ERC1: variants seen among roughly 807,000 people sequenced by gnomAD.
ERC1 encodes the protein ELKS/RAB6-interacting/CAST family member 1, also known as RAB6 interacting protein 2.
ERC1 carries 56 observed loss-of-function variants against 132.0 expected under a neutral mutation model. The observed-to-expected ratio is 0.42, with a 90% confidence interval of 0.34 to 0.53. ERC1 has a LOEUF of 0.53. ERC1 is among the 20% of genes least tolerant of loss of function. The pLI, the probability that ERC1 is intolerant of heterozygous loss-of-function variation, is 0.03. For missense variants in ERC1, 1,202 were observed against 1,349.9 expected (o/e 0.89, Z 1.72); for synonymous variants, 478 against 476.1 (o/e 1.00, Z -0.05).
intron 11 of ERC1, among the ~76,000 whole-genome samples, chr12:1,187,488 A>G (rs1955232176): frequency 6.6e-6 from 1 of 151,556 alleles, no homozygotes; most frequent in Non-Finnish European, 1.5e-5. Context: ...GCAGGTCTTG[A>G]ACTCCTGGGC....
chr12:1,392,854 G>T (rs1169259442), intron 16 of ERC1, among the ~76,000 whole-genome samples: 1 of 152,058 alleles, frequency 6.6e-6, no homozygotes, highest in Non-Finnish European at 1.5e-5. Context: ...ATTTAGCTCA[G>T]TTGTACAAAA....
intron 8 of ERC1, among the ~76,000 whole-genome samples, chr12:1,149,801 A>G (rs924310370): frequency 2.0e-5 from 3 of 152,212 alleles, no homozygotes; most frequent in African/African-American, 7.2e-5. Flanking sequence ...ATGGAGATAA[A>G]GTGTATTACT....
intron 18 of ERC1, among the ~76,000 whole-genome samples, chr12:1,470,120 TAAAA>T (rs113732773): frequency 1.4e-5 from 2 of 138,596 alleles, no homozygotes. Flanking sequence ...AGATTTATAC[TAAAA>T]AAAAAAAAAA....
chr12:1,440,349 C>A (rs573328291), intron 17 of ERC1, among the ~76,000 whole-genome samples: 5 of 149,270 alleles, frequency 3.3e-5, no homozygotes, highest in Admixed American at 1.3e-4. Context: ...GGACTACAGA[C>A]GCCCGCCACC....
At position 1,440,600 on chromosome 12, in the gene ERC1, T is replaced by TGTGTGTGTG. The variant is rs2093111721; in HGVS notation, c.3025-3962_3025-3961insGTGTGTGTG. On this transcript the variant is annotated intron_variant, in intron 17 of 18. Transcript: ENST00000360905. ...TAAGCAATCCCCCTGCCTCAGCCTT[T>TGTGTGTGTG]TGTGTGTGTGTGTGTGTGTGTGTGT... Among the ~76,000 whole-genome samples the TGTGTGTGTG allele has an allele frequency of 5.9e-5, 3 of 51,114 alleles. 1 individual carries two copies. Among genetic ancestry groups the TGTGTGTGTG allele is most frequent in the African/African-American group, 1.7e-4 (2 of 11,518 alleles). 33.5% of individuals were successfully genotyped at this position (51,114 alleles called of 152,430 possible). A position where few individuals can be genotyped will look rare whatever the true frequency, so the allele number is the denominator to read the frequency against.
intron 12 of ERC1, among the ~76,000 whole-genome samples, chr12:1,233,470 C>CAAAAAAA (rs60542316): frequency 1.4e-4 from 10 of 71,486 alleles, no homozygotes; most frequent in African/African-American, 4.7e-4. Flanking sequence ...GACCCTGTCT[C>CAAAAAAA]AAAAAAAAAA....
At chr12:1,124,938 T>C (rs891582115) in intron 7 of ERC1, among the ~76,000 whole-genome samples, 1 of 151,998 alleles carries the variant, frequency 6.6e-6, no homozygotes, top group African/African-American at 2.4e-5. Context: ...CTCATCCCTT[T>C]TTCCCTCCCA....
intron 8 of ERC1, among the ~76,000 whole-genome samples, chr12:1,155,368 A>G (rs1350541167): frequency 1.3e-5 from 2 of 151,880 alleles, no homozygotes; most frequent in East Asian, 1.9e-4. Context: ...CAGTCCCACT[A>G]CTAGGAGTCT....
chr12:1,415,100 T>C (rs1052732242), intron 17 of ERC1, among the ~76,000 whole-genome samples: 1 of 152,236 alleles, frequency 6.6e-6, no homozygotes, highest in Admixed American at 6.5e-5. Flanking sequence ...TTACACTGAA[T>C]ATAATGGAGT....
intron 6 of ERC1, 54 bp from the exon 7 acceptor site, chr12:1,115,812 A>G: frequency 6.9e-7 from 1 of 1,445,312 alleles, no homozygotes. Flanking sequence ...AGATACAGAT[A>G]AGAGGTGTTT....
Position 1,490,342 on chromosome 12 carries a change from A to C in ERC1, c.*112A>C, listed in dbSNP as rs2094306511. ...CACCAAACACTACAAACTTCATCCC[A>C]ACTTGCTCACTTGAAGAAGTGTGAT... is the stretch of plus-strand genomic sequence containing the variant. On this transcript the variant is annotated 3_prime_UTR_variant, in exon 19 of 19. Coordinates refer to ENST00000360905, the MANE Select transcript of ERC1 (RefSeq NM_178040.4). 9.6e-7 allele frequency: 1 copy of C among 1,042,626 alleles called. No homozygotes were observed. Among genetic ancestry groups the C allele is most frequent in the African/African-American group, 1.6e-5 (1 of 62,526 alleles). 64.6% of individuals were successfully genotyped at this position (1,042,626 alleles called of 1,614,324 possible). A position where few individuals can be genotyped will look rare whatever the true frequency, so the allele number is the denominator to read the frequency against.
chr12:1,464,093 G>A (rs1051140673), intron 18 of ERC1, among the ~76,000 whole-genome samples: 2 of 152,116 alleles, frequency 1.3e-5, no homozygotes, highest in Non-Finnish European at 1.5e-5. Flanking sequence ...ACTCTTTTAC[G>A]CAGTTGCAAT....
chr12:1,382,857 A>G (rs533854684), intron 16 of ERC1, among the ~76,000 whole-genome samples: 2 of 152,274 alleles, frequency 1.3e-5, no homozygotes, highest in South Asian at 2.1e-4. Flanking sequence ...AGATGAAAAA[A>G]TCTTGGTTTT....
intron 15 of ERC1, among the ~76,000 whole-genome samples, chr12:1,362,783 A>C (rs762011976): frequency 1.3e-5 from 2 of 152,180 alleles, no homozygotes; most frequent in Non-Finnish European, 2.9e-5. Context: ...TTGGATATGG[A>C]TGGCGGTGAC....
At chr12:1,126,559 A>T (rs1329029820) in intron 7 of ERC1, among the ~76,000 whole-genome samples, 1 of 152,260 alleles carries the variant, frequency 6.6e-6, no homozygotes, top group East Asian at 1.9e-4. Context: ...ATTGGGTAAG[A>T]TAACTTAAAT....
intron 17 of ERC1, among the ~76,000 whole-genome samples, chr12:1,438,952 A>ATATATATATATATAT (rs1555093159): frequency 1.6e-4 from 18 of 114,960 alleles, no homozygotes; most frequent in African/African-American, 6.6e-4. Context: ...AATTTAAAAA[A>ATATATATATATATAT]AAATATATAT....
At position 1,072,072 on chromosome 12, in the gene ERC1, G is replaced by T. The variant is rs574474056; in HGVS notation, c.670-11092G>T. ...GCCAAGATTGCGCCACTACACTCCA[G>T]CCTGGGCAGCAGAGCAAGACTCTGT... On this transcript the variant is annotated intron_variant, in intron 2 of 18. Coordinates refer to ENST00000360905, the MANE Select transcript of ERC1 (RefSeq NM_178040.4). Among the ~76,000 whole-genome samples, 4 of 150,292 alleles carry T rather than the reference G, an allele frequency of 2.7e-5. No homozygotes were observed. In the South Asian group the frequency reaches 8.4e-4, roughly 31 times the overall value.
intron 13 of ERC1, among the ~76,000 whole-genome samples, chr12:1,260,129 C>T (rs558377528): frequency 6.6e-6 from 1 of 152,200 alleles, no homozygotes; most frequent in African/African-American, 2.4e-5. Context: ...CTGAGAGAGT[C>T]GTTGAGTGAG....
Position 1,138,131 on chromosome 12 carries a change from A to ATATAATATAATTATATATAATACATAT in ERC1, c.1570-3473_1570-3472insATAATACATATTATAATATAATTATAT, listed in dbSNP as rs1189698328. Reference sequence around the variant, plus strand: ...TATAATTATATTTAATACATATTATATATAATATAATTATATTTATTTACA... The same window carrying ATATAATATAATTATATATAATACATAT: ...TATAATTATATTTAATACATATTATATATAATATAATTATATATAATACATATTATAATATAATTATATTTATTTACA... On this transcript the variant is annotated intron_variant, in intron 7 of 18. Coordinates refer to ENST00000360905, the MANE Select transcript of ERC1 (RefSeq NM_178040.4). 3.9e-3 allele frequency among the ~76,000 whole-genome samples: 469 copies of ATATAATATAATTATATATAATACATAT among 121,148 alleles called. 4 individuals carry two copies. Among genetic ancestry groups the ATATAATATAATTATATATAATACATAT allele is most frequent in the African/African-American group, 0.015 (455 of 29,838 alleles). The allele number at this position is 121,148 out of a possible 152,430, so 79.5% of individuals were successfully genotyped here.
Sources: gnomAD v4.1 joint callset for allele counts (sites outside exome capture counted in the v4.1 genomes callset) on GRCh38, gnomAD v4.1.1 for gene constraint, MANE v1.5 for transcripts, NCBI Gene and HGNC (gene_info 2026-07-23, HGNC 2026-07-21) for gene names.